Variants in ABHD2 observed in about 807,000 individuals in gnomAD.
ABHD2 encodes the protein abhydrolase domain containing 2, acylglycerol lipase.
Under a neutral mutation model 48.1 loss-of-function variants are expected in ABHD2, and 20 were observed. That is an observed-to-expected ratio of 0.42 (90% CI 0.29 to 0.60). The LOEUF (loss-of-function observed/expected upper bound fraction) is 0.60. ABHD2 is among the 20% of genes least tolerant of loss of function. The pLI is 0.24. For synonymous variants in ABHD2, 209 were observed against 214.2 expected (o/e 0.98, Z 0.21); for missense variants, 405 against 550.9 (o/e 0.74, Z 2.65).
the ABHD2 span, among the ~76,000 whole-genome samples, chr15:89,081,001 CTT>C: frequency 2.9e-3 from 400 of 139,022 alleles, no homozygotes; most frequent in Non-Finnish European, 5.1e-3. Context: ...AATTTCATTC[CTT>C]TTTTTTTTTT....
At position 89,175,222 on chromosome 15, in the gene ABHD2, A is replaced by G. The variant is rs1232966071; in HGVS notation, c.539-590A>G. Among the ~76,000 whole-genome samples the G allele has an allele frequency of 6.6e-6, 1 of 152,026 alleles. No homozygotes were observed. The highest frequency in any genetic ancestry group is 1.5e-5 in the Non-Finnish European group (1 of 68,000). ...ATTTTGCTCTTGCATTTATTTATTT[A>G]TTTACTTATTTTATTTTTTTGAGAC... On this transcript the variant is annotated intron_variant, in intron 5 of 10. Coordinates refer to ENST00000352732, the MANE Select transcript of ABHD2 (RefSeq NM_152924.5). This position sits in a 1 kb window ranked among gnomAD's most constrained non-coding sequence, Gnocchi z 5.7.
the ABHD2 span, among the ~76,000 whole-genome samples, chr15:89,049,163 C>G: frequency 1.2e-4 from 18 of 152,156 alleles, no homozygotes; most frequent in Non-Finnish European, 2.1e-4. Context: ...AGGTGTCAGT[C>G]TGCCCCTGCT....
At position 89,188,104 on chromosome 15, in the gene ABHD2, T is replaced by C; in HGVS notation, c.816-89T>C. 1 of 1,139,234 alleles carries C rather than the reference T, an allele frequency of 8.8e-7. No individual in the cohort carries two copies. 70.6% of individuals were successfully genotyped at this position (1,139,234 alleles called of 1,614,324 possible). ...TCTAACTGACCACGTTGGCTCTCCC[T>C]CCTGGCTTGCTGTGGCAAGGAAGCA... On this transcript the variant is annotated intron_variant, in intron 7 of 10. Transcript: ENST00000352732. This position sits in a 1 kb window ranked among gnomAD's most constrained non-coding sequence, Gnocchi z 4.1.
At chr15:89,135,422 T>C in intron 3 of ABHD2, 1 of 613,530 alleles carries the variant, frequency 1.6e-6, no homozygotes, top group Non-Finnish European at 2.9e-6. Context: ...AAAAAAGACA[T>C]TGTACAGTTT....
rs2049717178 is a variant in ABHD2, at chr15:89,102,510, C to G, written c.-106-11215C>G. ...GATGCCTTTTCGCAGGTTCTGTCCT[C>G]TTCATTTGCAAGCCACTGCTTTATC... is the stretch of plus-strand genomic sequence containing the variant. On this transcript the variant is annotated intron_variant, in intron 1 of 10. Transcript: ENST00000352732. This position sits in a 1 kb window ranked among gnomAD's most constrained non-coding sequence, Gnocchi z 4.8. 1 of 152,258 alleles carries G rather than the reference C, an allele frequency of 6.6e-6. No individual in the cohort carries two copies. Among genetic ancestry groups the G allele is most frequent in the African/African-American group, 2.4e-5 (1 of 41,454 alleles). The allele number at this position is 152,258 out of a possible 1,614,324, so 9.4% of individuals were successfully genotyped here. A position where few individuals can be genotyped will look rare whatever the true frequency, so the allele number is the denominator to read the frequency against.
At chr15:89,066,229 G>C in the ABHD2 span, among the ~76,000 whole-genome samples, 1 of 152,300 alleles carries the variant, frequency 6.6e-6, no homozygotes, top group East Asian at 1.9e-4. Context: ...CTGGAGGCTA[G>C]AAGTTCAAAA....
intron 3 of ABHD2, among the ~76,000 whole-genome samples, chr15:89,122,982 C>G (rs1411324367): frequency 6.6e-6 from 1 of 152,212 alleles, no homozygotes; most frequent in African/African-American, 2.4e-5. Flanking sequence ...TGATGAAAAC[C>G]ACAGCCACAT....
the ABHD2 span, among the ~76,000 whole-genome samples, chr15:89,052,287 A>G: frequency 0.47 from 71,971 of 151,908 alleles, 18,808 homozygotes; most frequent in African/African-American, 0.71. Flanking sequence ...GAAATCATAA[A>G]GCTGATTCTA....
In ABHD2 at chr15:89,094,536, C is replaced by T. The variant is rs2049580808; in HGVS notation, c.-107+5973C>T. The stretch of plus-strand genomic sequence containing the variant: ...CTGCCTGATCAACATGGTGAAACCC[C>T]GTCTCTACTAAAAATACAAAAATTA... On this transcript the variant is annotated intron_variant, in intron 1 of 10. Transcript: ENST00000352732. The surrounding 1 kb of genome is among the most constrained non-coding windows in gnomAD (Gnocchi z 4.7). Among the ~76,000 whole-genome samples the T allele has an allele frequency of 6.6e-6, 1 of 151,562 alleles. No homozygotes were observed. Among genetic ancestry groups the T allele is most frequent in the Non-Finnish European group, 1.5e-5 (1 of 67,904 alleles).
the ABHD2 span, among the ~76,000 whole-genome samples, chr15:89,048,898 C>T: frequency 3.6e-5 from 5 of 139,854 alleles, no homozygotes; most frequent in East Asian, 7.8e-4. Context: ...TCTCTCAGCT[C>T]GTCAAAGTCA....
chr15:89,067,111 A>G, the ABHD2 span, among the ~76,000 whole-genome samples: 1 of 151,448 alleles, frequency 6.6e-6, no homozygotes, highest in Non-Finnish European at 1.5e-5. Context: ...TACGAAGTCC[A>G]GTGGAGTTAA....
chr15:89,050,470 C>T, the ABHD2 span, among the ~76,000 whole-genome samples: 1 of 144,432 alleles, frequency 6.9e-6, no homozygotes, highest in African/African-American at 2.9e-5. Flanking sequence ...GGGTTAAGTT[C>T]CCCCCAGTTT....
At chr15:89,093,272 G>A (rs573459884) in intron 1 of ABHD2, among the ~76,000 whole-genome samples, 5 of 144,496 alleles carry the variant, frequency 3.5e-5, no homozygotes, top group African/African-American at 7.7e-5. Context: ...CCTCTGCTTC[G>A]CGGGTTCAAA....
chr15:89,045,769 T>C, the ABHD2 span, among the ~76,000 whole-genome samples: 3 of 152,268 alleles, frequency 2.0e-5, no homozygotes, highest in Non-Finnish European at 4.4e-5. Flanking sequence ...TTTGCTGAAG[T>C]TGCTTATCAG....
chr15:89,064,361 A>T, the ABHD2 span, among the ~76,000 whole-genome samples: 1 of 151,862 alleles, frequency 6.6e-6, no homozygotes, highest in Admixed American at 6.6e-5. Flanking sequence ...CTGGGACTAC[A>T]GACATGTGCT....
chr15:89,154,466 A>G (rs572341278), intron 4 of ABHD2, among the ~76,000 whole-genome samples: 1 of 152,330 alleles, frequency 6.6e-6, no homozygotes, highest in South Asian at 2.1e-4. Flanking sequence ...AAAGTTCACA[A>G]GGTACTAACA....
At chr15:89,071,757 C>T in the ABHD2 span, among the ~76,000 whole-genome samples, 1 of 152,184 alleles carries the variant, frequency 6.6e-6, no homozygotes, top group African/African-American at 2.4e-5. Context: ...GTCTGCCATA[C>T]AGGGTCATTC....
At chr15:89,109,956 C>T (rs138787044) in intron 1 of ABHD2, among the ~76,000 whole-genome samples, 1 of 152,226 alleles carries the variant, frequency 6.6e-6, no homozygotes, top group East Asian at 1.9e-4. Context: ...TATGCATATC[C>T]TCCTATATAC....
chr15:89,083,878 C>T (rs1003519368), upstream of ABHD2, among the ~76,000 whole-genome samples: 6 of 152,180 alleles, frequency 3.9e-5, no homozygotes, highest in Non-Finnish European at 8.8e-5. The surrounding 1 kb of genome is among the most constrained non-coding windows in gnomAD (Gnocchi z 5.1). Context: ...ACTTCATCTC[C>T]ATTACCAATA....
Sources: allele counts gnomAD v4.1 joint callset (sites outside exome capture counted in the v4.1 genomes callset), GRCh38; gene constraint gnomAD v4.1.1; non-coding constraint Gnocchi (gnomAD v3.1); transcripts MANE v1.5; gene names NCBI Gene and HGNC (gene_info 2026-07-23, HGNC 2026-07-21).